NXPE1: variants seen among roughly 807,000 people sequenced by gnomAD.
NXPE1 encodes the protein neurexophilin and PC-esterase domain family member 1.
NXPE1 carries 31 observed loss-of-function variants against 33.3 expected under a neutral mutation model. That is an observed-to-expected ratio of 0.93 (90% CI 0.70 to 1.26). NXPE1 has a LOEUF of 1.26. Ranked by LOEUF, NXPE1 falls within the 50% of genes most tolerant of loss-of-function variation. The pLI, the probability that NXPE1 is intolerant of heterozygous loss-of-function variation, is 0.00. For synonymous variants in NXPE1, 229 were observed against 231.4 expected (o/e 0.99, Z 0.09); for missense variants, 661 against 655.6 (o/e 1.01, Z -0.09).
chr11:114,552,071 A>G (rs1948506360), exon 3 of NXPE1: 1 of 152,216 alleles, frequency 6.6e-6, no homozygotes, highest in African/African-American at 2.4e-5. Flanking sequence ...CTGGATGCGC[A>G]GAGCAATTTA....
rs186820771 is a variant in NXPE1 at position 114,528,677 on chromosome 11, G to A, written c.834-776C>T. ...GAAAGATCACTCTTCCTGCTTGAAA[G>A]CTCTTACTCACACTTTGTTTCAAAC... On this transcript the variant is annotated intron_variant, in intron 6 of 8. Coordinates refer to ENST00000534921, the Ensembl canonical transcript of NXPE1. 1,496 of 455,822 alleles carry A rather than the reference G, an allele frequency of 3.3e-3. 9 individuals carry two copies. Among genetic ancestry groups the A allele is most frequent in the Non-Finnish European group, 2.6e-3 (661 of 251,618 alleles). 28.2% of individuals were successfully genotyped at this position (455,822 alleles called of 1,614,324 possible).
chr11:114,557,663 ATATATATAT>A (rs1948687764), intron 1 of NXPE1, among the ~76,000 whole-genome samples: 1 of 102,786 alleles, frequency 9.7e-6, no homozygotes, highest in Non-Finnish European at 2.0e-5. Context: ...ATATATATAT[ATATATATAT>A]AAAATCCTTG....
intron 5 of NXPE1, among the ~76,000 whole-genome samples, chr11:114,536,834 G>C (rs867743273): frequency 4.6e-5 from 7 of 152,140 alleles, no homozygotes; most frequent in African/African-American, 1.7e-4. Context: ...TGGATTCACA[G>C]CCGAATTCTA....
chr11:114,541,022 G>T (rs1357888718), intron 5 of NXPE1, among the ~76,000 whole-genome samples: 4 of 151,820 alleles, frequency 2.6e-5, no homozygotes, highest in Non-Finnish European at 5.9e-5. Context: ...TGACCCCTGA[G>T]GCACACCTGT....
At chr11:114,520,449 C>G (rs1039507606), downstream of NXPE1, among the ~76,000 whole-genome samples, 19 of 152,186 alleles carry the variant, frequency 1.2e-4, 1 homozygote, top group Admixed American at 2.6e-4. Context: ...AGCAGCATCT[C>G]CTTTTGTAAG....
At chr11:114,550,988 G>A (rs1948461370) in intron 5 of NXPE1, 115 bp downstream of exon 5, 2 of 623,836 alleles carry the variant, frequency 3.2e-6, no homozygotes, top group Non-Finnish European at 5.7e-6. Flanking sequence ...AGAAGATAGG[G>A]CAGTAGTTGA....
intron 5 of NXPE1, among the ~76,000 whole-genome samples, chr11:114,539,232 A>G (rs1343475815): frequency 1.4e-5 from 2 of 146,960 alleles, no homozygotes; most frequent in African/African-American, 5.0e-5. Flanking sequence ...GAATTGAACA[A>G]TGAGAACACA....
At chr11:114,521,679 A>C in exon 9 of NXPE1, 1 of 318,942 alleles carries the variant, frequency 3.1e-6, no homozygotes, top group Non-Finnish European at 5.7e-6. Context: ...AAGCATCATG[A>C]ATTTGTACAG....
chr11:114,525,814 T>A (rs991887276), intron 7 of NXPE1, among the ~76,000 whole-genome samples: 1 of 152,242 alleles, frequency 6.6e-6, no homozygotes, highest in African/African-American at 2.4e-5. Flanking sequence ...CAGGTACATG[T>A]ATAAGAGTCA....
At chr11:114,523,058 C>A in exon 8 of NXPE1, 4 of 1,613,668 alleles carry the variant, frequency 2.5e-6, no homozygotes, top group Non-Finnish European at 3.4e-6. Context: ...AGGCTTCATT[C>A]CAACTTGGCA....
chr11:114,535,907 G>A (rs560821744), intron 5 of NXPE1, among the ~76,000 whole-genome samples: 1 of 152,252 alleles, frequency 6.6e-6, no homozygotes, highest in East Asian at 1.9e-4. Context: ...TACAGGAATT[G>A]AACTCAGCTC....
intron 1 of NXPE1, among the ~76,000 whole-genome samples, chr11:114,559,161 A>C (rs1245416685): frequency 6.6e-6 from 1 of 152,200 alleles, no homozygotes; most frequent in East Asian, 1.9e-4. Flanking sequence ...CAAAGACAAA[A>C]ATTAAAAAAG....
At chr11:114,528,421 A>G (rs145769596) in intron 6 of NXPE1, among the ~76,000 whole-genome samples, 29 of 152,196 alleles carry the variant, frequency 1.9e-4, no homozygotes, top group Admixed American at 1.9e-3. Flanking sequence ...TGGCAGGTAG[A>G]CCTTTTATCA....
chr11:114,520,970 T>G (rs144494813), downstream of NXPE1, among the ~76,000 whole-genome samples: 668 of 152,370 alleles, frequency 4.4e-3, 4 homozygotes, highest in Non-Finnish European at 5.5e-3. Flanking sequence ...GACAGCCTGC[T>G]ATATCCATAG....
intron 5 of NXPE1, among the ~76,000 whole-genome samples, chr11:114,544,517 C>T (rs1239564611): frequency 2.6e-5 from 4 of 152,018 alleles, no homozygotes; most frequent in Admixed American, 1.3e-4. Flanking sequence ...AACAATTAGA[C>T]GTTCATACAT....
At chr11:114,551,126 T>C (rs1416262773) in exon 5 of NXPE1, 1 of 1,529,468 alleles carries the variant, frequency 6.5e-7, no homozygotes, top group Non-Finnish European at 8.8e-7. Context: ...TGAGAAATTA[T>C]AAAAATCATC....
chr11:114,550,048 C>T (rs1430002273), intron 5 of NXPE1, among the ~76,000 whole-genome samples: 1 of 151,998 alleles, frequency 6.6e-6, no homozygotes, highest in Non-Finnish European at 1.5e-5. Flanking sequence ...ACTCACAAAA[C>T]ACTACTGAAG....
chr11:114,537,606 C>A (rs1239971507), intron 5 of NXPE1, among the ~76,000 whole-genome samples: 1 of 152,158 alleles, frequency 6.6e-6, no homozygotes, highest in Non-Finnish European at 1.5e-5. Context: ...AATCAATGTG[C>A]AAAAATCACG....
At chr11:114,524,365 G>C (rs941541532) in intron 7 of NXPE1, among the ~76,000 whole-genome samples, 3 of 152,180 alleles carry the variant, frequency 2.0e-5, no homozygotes, top group African/African-American at 7.2e-5. Context: ...TTCCTCAGAG[G>C]CCTTGCAGTC....
Sources: gnomAD v4.1 joint callset for allele counts (sites outside exome capture counted in the v4.1 genomes callset) on GRCh38, gnomAD v4.1.1 for gene constraint, MANE v1.5 for transcripts, NCBI Gene and HGNC (gene_info 2026-07-23, HGNC 2026-07-21) for gene names.